DOK6: variants seen among roughly 807,000 people sequenced by gnomAD.
DOK6 encodes the protein downstream of tyrosine kinase 6.
Under a neutral mutation model 44.0 loss-of-function variants are expected in DOK6, and 22 were observed. The ratio of observed to expected loss-of-function variants is 0.50; its 90% CI spans 0.36 to 0.71. The LOEUF (loss-of-function observed/expected upper bound fraction) is 0.71, where lower values mean the gene tolerates loss of function less well. Among genes scored for constraint, DOK6 ranks in the 30% least tolerant of loss-of-function variants. DOK6 has a pLI of 0.00. For missense variants in DOK6, 340 were observed against 416.4 expected (o/e 0.82, Z 1.60); for synonymous variants, 166 against 145.5 (o/e 1.14, Z -1.01).
chr18:69,464,023 T>C, intron 1 of DOK6, among the ~76,000 whole-genome samples: 1 of 152,212 alleles, frequency 6.6e-6, no homozygotes, highest in East Asian at 1.9e-4. Flanking sequence ...TCCAGCATTC[T>C]GAACTCTACA....
intron 3 of DOK6, among the ~76,000 whole-genome samples, chr18:69,612,028 G>T (rs182359256): frequency 6.6e-6 from 1 of 152,048 alleles, no homozygotes. Flanking sequence ...CAACACCCTA[G>T]TTGTCATATT....
chr18:69,677,403 C>T (rs1985948072), intron 3 of DOK6, among the ~76,000 whole-genome samples: 2 of 150,498 alleles, frequency 1.3e-5, no homozygotes, highest in Admixed American at 1.3e-4. Context: ...AAATGTAAAG[C>T]ATGATGGCTA....
intron 3 of DOK6, among the ~76,000 whole-genome samples, chr18:69,603,061 T>C (rs896412339): frequency 6.6e-6 from 1 of 152,226 alleles, no homozygotes; most frequent in African/African-American, 2.4e-5. Flanking sequence ...AAAGTTGTAT[T>C]GTGAGAGTCC....
In DOK6 at chr18:69,790,041, C is replaced by G. The variant is rs540234460; in HGVS notation, c.856+32168C>G. The stretch of plus-strand genomic sequence containing the variant: ...ACAATGGAGTAACAAGATCAAAGTC[C>G]TCAGAGTTGAACAAGAGGTACAGAC... On this transcript the variant is annotated intron_variant, in intron 7 of 7. Coordinates refer to ENST00000382713, the MANE Select transcript of DOK6 (RefSeq NM_152721.6). Among the ~76,000 whole-genome samples the G allele has an allele frequency of 4.6e-5, 7 of 152,240 alleles. No individual in the cohort carries two copies. In the East Asian group the frequency reaches 1.4e-3, roughly 29 times the overall value.
intron 2 of DOK6, among the ~76,000 whole-genome samples, chr18:69,576,166 G>A (rs1277686260): frequency 1.3e-5 from 2 of 152,090 alleles, no homozygotes; most frequent in Non-Finnish European, 2.9e-5. Flanking sequence ...GCGAGATGTG[G>A]AATCTTTGTT....
intron 3 of DOK6, among the ~76,000 whole-genome samples, chr18:69,614,536 T>C (rs1984236753): frequency 1.9e-5 from 2 of 103,248 alleles, no homozygotes; most frequent in Non-Finnish European, 4.0e-5. Flanking sequence ...TATCACTTTA[T>C]TTTTTCTTTG....
At chr18:69,491,567 A>G (rs1980734515) in intron 1 of DOK6, among the ~76,000 whole-genome samples, 1 of 152,230 alleles carries the variant, frequency 6.6e-6, no homozygotes, top group African/African-American at 2.4e-5. Context: ...CATTTGTATT[A>G]TATGTCCTAT....
At chr18:69,761,422 G>A (rs1039993639) in intron 7 of DOK6, among the ~76,000 whole-genome samples, 12 of 152,130 alleles carry the variant, frequency 7.9e-5, no homozygotes, top group African/African-American at 2.9e-4. Flanking sequence ...TTGGGAGTGG[G>A]GCTTCTCTCT....
intron 7 of DOK6, among the ~76,000 whole-genome samples, chr18:69,764,442 C>A (rs72969282): frequency 6.6e-6 from 1 of 152,096 alleles, no homozygotes; most frequent in Non-Finnish European, 1.5e-5. Context: ...CATTAGGTAA[C>A]GGGGGCAGTT....
At position 69,579,587 on chromosome 18, in the gene DOK6, C is replaced by T. The variant is rs143007510; in HGVS notation, c.174+14993C>T. The stretch of plus-strand genomic sequence containing the variant: ...CCAACTTTTCTTTTTTTTTTTGAGA[C>T]GGAGTCTTGCTCTGTCACCAGGCTG... On this transcript the variant is annotated intron_variant, in intron 2 of 7. Transcript: ENST00000382713. 5.6e-3 allele frequency among the ~76,000 whole-genome samples: 843 copies of T among 149,438 alleles called. 1 individual carries two copies. The highest frequency in any genetic ancestry group is 0.014 in the Middle Eastern group (4 of 294).
chr18:69,719,920 G>A (rs1986968308), intron 5 of DOK6, among the ~76,000 whole-genome samples: 1 of 152,098 alleles, frequency 6.6e-6, no homozygotes, highest in South Asian at 2.1e-4. Flanking sequence ...AACACAACAG[G>A]CATTGAAATC....
chr18:69,499,303 A>G (rs1980984316), intron 1 of DOK6, among the ~76,000 whole-genome samples: 1 of 152,146 alleles, frequency 6.6e-6, no homozygotes, highest in South Asian at 2.1e-4. Flanking sequence ...AGTTTTTAAA[A>G]TAATTTTTTA....
chr18:69,695,536 A>T (rs1484556332), intron 4 of DOK6, among the ~76,000 whole-genome samples: 1 of 152,230 alleles, frequency 6.6e-6, no homozygotes, highest in Non-Finnish European at 1.5e-5. Flanking sequence ...AAGCCTTAAC[A>T]AATTTTTCAG....
chr18:69,479,406 G>T (rs57562566), intron 1 of DOK6, among the ~76,000 whole-genome samples: 2 of 152,080 alleles, frequency 1.3e-5, no homozygotes, highest in Non-Finnish European at 2.9e-5. Context: ...CCCATACCTA[G>T]CCCTCAATAT....
intron 5 of DOK6, among the ~76,000 whole-genome samples, chr18:69,736,319 CAAACAAAAACAA>C (rs1978605538): frequency 7.2e-5 from 3 of 41,542 alleles, no homozygotes; most frequent in East Asian, 3.9e-3. Context: ...ATGTTGAAAA[CAAACAAAAACAA>C]AGAAAATTCT....
At chr18:69,726,549 A>ACTCTTAG (rs1240693034) in intron 5 of DOK6, among the ~76,000 whole-genome samples, 109 of 152,058 alleles carry the variant, frequency 7.2e-4, no homozygotes, top group African/African-American at 2.5e-3. Context: ...TTGTTGTTGG[A>ACTCTTAG]CTCTTAGTCC....
At chr18:69,573,220 A>T (rs755184158) in intron 2 of DOK6, among the ~76,000 whole-genome samples, 1 of 151,840 alleles carries the variant, frequency 6.6e-6, no homozygotes, top group Non-Finnish European at 1.5e-5. Context: ...CATTTCAGAA[A>T]CACACATGCT....
At chr18:69,831,876 T>G (rs1160794433) in intron 7 of DOK6, among the ~76,000 whole-genome samples, 1 of 152,182 alleles carries the variant, frequency 6.6e-6, no homozygotes, top group Non-Finnish European at 1.5e-5. Context: ...TAATATATGG[T>G]ATATTGATTT....
intron 1 of DOK6, among the ~76,000 whole-genome samples, chr18:69,431,856 A>G (rs1978815423): frequency 6.6e-6 from 1 of 152,250 alleles, no homozygotes; most frequent in Non-Finnish European, 1.5e-5. Flanking sequence ...TTACAAAGAT[A>G]GTACAGAGAA....
Sources: allele counts gnomAD v4.1 joint callset (sites outside exome capture counted in the v4.1 genomes callset), GRCh38; gene constraint gnomAD v4.1.1; transcripts MANE v1.5; gene names NCBI Gene and HGNC (gene_info 2026-07-23, HGNC 2026-07-21).